The following ATAD2B variants were observed in gnomAD, a reference collection of about 807,000 sequenced individuals.
ATAD2B encodes the protein ATPase family AAA domain containing 2B.
Under a neutral mutation model 167.6 loss-of-function variants are expected in ATAD2B, and 40 were observed. That is an observed-to-expected ratio of 0.24 (90% CI 0.19 to 0.31). ATAD2B has a LOEUF of 0.31. Among genes scored for constraint, ATAD2B ranks in the 10% least tolerant of loss-of-function variants. The pLI is 1.00. For missense variants in ATAD2B, 1,242 were observed against 1,757.2 expected, an observed-to-expected ratio of 0.71 and a Z score of 5.24; for synonymous variants, 579 against 596.5, an observed-to-expected ratio of 0.97 and a Z score of 0.43.
At chr2:23,714,513 T>C in the ATAD2B span, among the ~76,000 whole-genome samples, 1 of 150,120 alleles carries the variant, frequency 6.7e-6, no homozygotes. Context: ...GTGCTGGGAT[T>C]ACAGGTGTGA....
chr2:23,732,616 T>C, the ATAD2B span, among the ~76,000 whole-genome samples: 1 of 152,302 alleles, frequency 6.6e-6, no homozygotes. Flanking sequence ...TAAATAAATA[T>C]TTGATGGAAA....
intron 17 of ATAD2B, 111 bp from the exon 18 acceptor site, chr2:23,810,613 C>T: frequency 1.2e-6 from 1 of 809,488 alleles, no homozygotes; most frequent in African/African-American, 1.7e-5. Context: ...ATTAACAGAA[C>T]TTTCCTATAT....
Position 23,834,050 on chromosome 2 carries a change from T to G in ATAD2B, c.1597A>C (p.Met533Leu). The G allele has an allele frequency of 6.3e-7, 1 of 1,599,220 alleles. No individual in the cohort carries two copies. ...TCACCCCTATTATCTAATCCATCCA[T>G]AAGAGCAAGGAGGGTTGATACTATA... is the stretch of plus-strand genomic sequence containing the variant. Reference protein sequence around the residue: ...SSIVSTLLALMDGLDNRGEIV... With the variant: ...SSIVSTLLALLDGLDNRGEIV... The change falls in exon 14 of 28, where the codon ATG becomes CTG. Residue 533 changes from methionine to leucine, a missense_variant. Met to Leu is a conservative substitution (Grantham distance 15). Around this residue, in one of 9 missense-constraint regions of ATAD2B, gnomAD observed 151 missense variants for 284.1 expected, o/e 0.53. Transcript: ENST00000238789.
intron 7 of ATAD2B, 121 bp from the exon 8 acceptor site, chr2:23,876,025 T>C (rs1372838748): frequency 4.1e-6 from 3 of 726,806 alleles, no homozygotes; most frequent in Non-Finnish European, 6.8e-6. Flanking sequence ...GACAGAGTCT[T>C]GCTCTAACGC....
intron 10 of ATAD2B, among the ~76,000 whole-genome samples, chr2:23,865,365 C>T (rs557283965): frequency 3.9e-5 from 6 of 152,142 alleles, no homozygotes; most frequent in African/African-American, 1.4e-4. Flanking sequence ...ACCATCTCTA[C>T]TAAAAATACA....
At chr2:23,760,749 C>T (rs570084095) in intron 24 of ATAD2B, among the ~76,000 whole-genome samples, 50 of 107,982 alleles carry the variant, frequency 4.6e-4, no homozygotes, top group Middle Eastern at 5.5e-3. Flanking sequence ...CACACACACA[C>T]ATACACACAC....
chr2:23,808,019 T>G (rs61594673), intron 18 of ATAD2B, among the ~76,000 whole-genome samples: 1 of 67,886 alleles, frequency 1.5e-5, no homozygotes, highest in African/African-American at 6.2e-5. Flanking sequence ...TATATATTAT[T>G]TATTTATTAT....
intron 14 of ATAD2B, chr2:23,832,475 A>G (rs1396183691): frequency 1.2e-5 from 2 of 171,066 alleles, no homozygotes; most frequent in Non-Finnish European, 2.5e-5. Context: ...TAAATTTTAA[A>G]TTAACTAAGA....
chr2:23,786,367 G>C (rs1432793374), intron 20 of ATAD2B, 144 bp from the exon 21 acceptor site: 1 of 715,804 alleles, frequency 1.4e-6, no homozygotes, highest in African/African-American at 1.8e-5. Context: ...TCTAAGAAAT[G>C]TGCAGTTAGG....
chr2:23,848,448 C>T (rs1400669547), intron 13 of ATAD2B, among the ~76,000 whole-genome samples: 1 of 152,148 alleles, frequency 6.6e-6, no homozygotes, highest in African/African-American at 2.4e-5. Context: ...CCACTACACT[C>T]CAGCCTGGGT....
intron 16 of ATAD2B, among the ~76,000 whole-genome samples, chr2:23,821,198 T>C (rs555908078): frequency 6.6e-6 from 1 of 152,314 alleles, no homozygotes; most frequent in East Asian, 1.9e-4. Flanking sequence ...AAGCATACTT[T>C]ATATTTACAC....
chr2:23,907,487 G>A (rs1048727902), intron 1 of ATAD2B, among the ~76,000 whole-genome samples: 68 of 152,186 alleles, frequency 4.5e-4, no homozygotes, highest in African/African-American at 1.6e-3. Context: ...ACAAATGGAA[G>A]AACATTCCAT....
At chr2:23,825,021 G>A (rs778934260) in intron 15 of ATAD2B, among the ~76,000 whole-genome samples, 12 of 151,976 alleles carry the variant, frequency 7.9e-5, no homozygotes, top group Non-Finnish European at 5.9e-5. Flanking sequence ...ATGGCTCACC[G>A]CAGCCTTGAC....
chr2:23,762,730 G>A (rs375629691), intron 23 of ATAD2B, among the ~76,000 whole-genome samples: 1 of 152,228 alleles, frequency 6.6e-6, no homozygotes, highest in South Asian at 2.1e-4. Context: ...CCCCATTCCC[G>A]TGAACTGTTT....
Position 23,770,247 on chromosome 2 carries a change from C to T in ATAD2B, c.3134-4619G>A, listed in dbSNP as rs375010685. On this transcript the variant is annotated intron_variant, in intron 22 of 27. Transcript: ENST00000238789. The stretch of plus-strand genomic sequence containing the variant: ...AGGAGAATTGCTTAAACCCAGGAGG[C>T]GGAGGTTGCAATGAGCTGAGATCAT... Among the ~76,000 whole-genome samples, 43 of 151,860 alleles carry T rather than the reference C, an allele frequency of 2.8e-4. No homozygotes were observed. The South Asian group carries it at 2.9e-3, about 10-fold the overall frequency.
rs1290603730 is a variant in ATAD2B at position 23,771,538 on chromosome 2, AGTCT to A, written c.3134-5914_3134-5911del. On this transcript the variant is annotated intron_variant, in intron 22 of 27. Transcript: ENST00000238789. ...AAAAACAGGCTGTCAGCTTGATGATAGTCTGCTGACCCCTGGTTTAGAGCATCTA... is the reference window on the plus strand; with the variant it reads ...AAAAACAGGCTGTCAGCTTGATGATAGCTGACCCCTGGTTTAGAGCATCTA... Among the ~76,000 whole-genome samples, 40 of 152,328 alleles carry A rather than the reference AGTCT, an allele frequency of 2.6e-4. 1 individual carries two copies. In the South Asian group the frequency reaches 7.7e-3, roughly 29 times the overall value.
chr2:23,796,157 T>C (rs1486144434), intron 19 of ATAD2B, among the ~76,000 whole-genome samples: 2 of 152,184 alleles, frequency 1.3e-5, no homozygotes, highest in African/African-American at 2.4e-5. Flanking sequence ...ACATGTTATA[T>C]AATCAAAAGA....
chr2:23,858,202 C>A (rs940148169), intron 12 of ATAD2B, among the ~76,000 whole-genome samples: 2 of 151,684 alleles, frequency 1.3e-5, no homozygotes, highest in African/African-American at 2.4e-5. Context: ...TTCACTGCAA[C>A]CTCCGCCTCC....
chr2:23,771,683 C>T (rs1304483223), intron 22 of ATAD2B, among the ~76,000 whole-genome samples: 1 of 152,108 alleles, frequency 6.6e-6, no homozygotes, highest in African/African-American at 2.4e-5. Context: ...TTACTGTATA[C>T]CTTTTTATGA....
Sources: gnomAD v4.1 joint callset for allele counts (sites outside exome capture counted in the v4.1 genomes callset) on GRCh38, gnomAD v4.1.1 for gene constraint, gnomAD v4.1.1 regional missense constraint, MANE v1.5 for transcripts, NCBI Gene and HGNC (gene_info 2026-07-23, HGNC 2026-07-21) for gene names.